The following OTC variants were observed in gnomAD, a reference collection of about 807,000 sequenced individuals.
OTC encodes the protein ornithine transcarbamylase, mitochondrial.
OTC carries 3 observed loss-of-function variants against 30.3 expected under a neutral mutation model. That is an observed-to-expected ratio of 0.10 (90% CI 0.05 to 0.26). OTC has a LOEUF of 0.26. Ranked by LOEUF, OTC falls within the 10% of genes least tolerant of loss-of-function variation. The probability of loss-of-function intolerance (pLI) is 1.00; values close to 1 mark genes in which losing one functional copy is unlikely to be tolerated. For synonymous variants in OTC, 111 were observed against 99.7 expected (o/e 1.11, Z -0.67); for missense variants, 194 against 260.3 (o/e 0.75, Z 1.75).
At chrX:38,370,662 G>C (rs1419767404) in intron 3 of OTC, among the ~76,000 whole-genome samples, 1 of 111,363 alleles carries the variant, frequency 9.0e-6, no homozygotes, top group Non-Finnish European at 1.9e-5. Context: ...CTCCTGTTCC[G>C]AGGTGGAAAC....
At chrX:38,364,121 A>G (rs2068284144) in intron 1 of OTC, among the ~76,000 whole-genome samples, 2 of 111,780 alleles carry the variant, frequency 1.8e-5, no homozygotes, top group Non-Finnish European at 3.8e-5. Flanking sequence ...GTGAAACTCC[A>G]TCTGAAAAAA....
At chrX:38,389,899 G>A (rs1028773176) in intron 4 of OTC, among the ~76,000 whole-genome samples, 3 of 111,454 alleles carry the variant, frequency 2.7e-5, no homozygotes, top group African/African-American at 6.5e-5. Flanking sequence ...AAGGACACAC[G>A]CACAGAAGAA....
At chrX:38,374,303 C>T (rs762605048) in intron 3 of OTC, among the ~76,000 whole-genome samples, 119 of 110,217 alleles carry the variant, frequency 1.1e-3, no homozygotes, top group African/African-American at 3.9e-3. Flanking sequence ...AGAGTGGAAG[C>T]CCATCTCTCT....
intron 1 of OTC, among the ~76,000 whole-genome samples, chrX:38,359,781 C>T (rs1460627338): frequency 9.0e-6 from 1 of 111,340 alleles, no homozygotes; most frequent in African/African-American, 3.3e-5. Flanking sequence ...AATCAAAGTG[C>T]ACTGTTTTCT....
At chrX:38,350,586 G>T (rs1284732039), upstream of OTC, among the ~76,000 whole-genome samples, 3 of 111,724 alleles carry the variant, frequency 2.7e-5, no homozygotes, top group Non-Finnish European at 5.6e-5. Context: ...TCATTGAGAT[G>T]CCCTGCCTTT....
At chrX:38,378,821 T>G (rs1055011646) in intron 3 of OTC, among the ~76,000 whole-genome samples, 1 of 111,791 alleles carries the variant, frequency 8.9e-6, no homozygotes, top group African/African-American at 3.3e-5. Flanking sequence ...TCATGTGGCT[T>G]TCTGGGGATA....
chrX:38,365,679 G>A lies in OTC; in HGVS notation c.78-1612G>A, dbSNP rs180724424. 5.5e-3 allele frequency among the ~76,000 whole-genome samples: 613 copies of A among 112,152 alleles called. 6 individuals are homozygous for A. Among genetic ancestry groups the A allele is most frequent in the Middle Eastern group, 0.019 (4 of 215 alleles). ...AAGCCCAACAAAATGGCTCCACTAG[G>A]GCCCACAGTAAACTGATGTCAGGAT... On this transcript the variant is annotated intron_variant, in intron 1 of 9. Transcript: ENST00000039007.
At chrX:38,417,309 G>T (rs978050383) in intron 9 of OTC, among the ~76,000 whole-genome samples, 1 of 111,569 alleles carries the variant, frequency 9.0e-6, no homozygotes, top group Admixed American at 9.6e-5. Context: ...TAAAATTCTG[G>T]CTCTCTCTGT....
At chrX:38,402,905 C>T (rs7877219) in intron 5 of OTC, among the ~76,000 whole-genome samples, 50,867 of 109,682 alleles carry the variant, frequency 0.46, 9,625 homozygotes, top group African/African-American at 0.7. Context: ...ACCTCCGCCT[C>T]CCGGGTTCAA....
intron 8 of OTC, among the ~76,000 whole-genome samples, 182 bp from the exon 9 acceptor site, chrX:38,411,680 A>T (rs1450998753): frequency 9.1e-6 from 1 of 110,454 alleles, no homozygotes; most frequent in Non-Finnish European, 1.9e-5. Flanking sequence ...AAAAAAAAAA[A>T]TTTGAAAGTA....
At position 38,405,983 on chromosome X, in the gene OTC, T is replaced by C. The variant is rs147271151; in HGVS notation, c.663+2243T>C. Among the ~76,000 whole-genome samples, 60 of 112,630 alleles carry C rather than the reference T, an allele frequency of 5.3e-4. No homozygotes were observed. In the East Asian group the frequency reaches 0.016, roughly 31 times the overall value. ...GAAGAAATATATGGTTTAAACATTT[T>C]ATTGCATGCCAAAGATGTTTTATTA... On this transcript the variant is annotated intron_variant, in intron 6 of 9. Coordinates refer to ENST00000039007, the MANE Select transcript of OTC (RefSeq NM_000531.6).
chrX:38,403,546 T>G, intron 5 of OTC, 72 bp from the exon 6 acceptor site: 1 of 1,101,663 alleles, frequency 9.1e-7, no homozygotes. Context: ...ACTATTTATT[T>G]TAACCTTAGT....
At chrX:38,344,082 G>A in the OTC span, among the ~76,000 whole-genome samples, 1 of 111,481 alleles carries the variant, frequency 9.0e-6, no homozygotes. Flanking sequence ...GGAGGCAGAG[G>A]TTGCCATGAG....
chrX:38,333,678 G>A, the OTC span, among the ~76,000 whole-genome samples: 556 of 111,775 alleles, frequency 5.0e-3, no homozygotes, highest in Non-Finnish European at 7.0e-3. Flanking sequence ...CAAGGAAGAC[G>A]TTTGATGGAT....
intron 9 of OTC, among the ~76,000 whole-genome samples, chrX:38,414,628 C>G (rs1399458743): frequency 1.8e-5 from 2 of 111,712 alleles, no homozygotes; most frequent in Non-Finnish European, 3.8e-5. Flanking sequence ...TGTCCTCTCC[C>G]ATGAAATAAG....
chrX:38,410,730 C>T (rs4827099), intron 8 of OTC, among the ~76,000 whole-genome samples: 1,438 of 111,752 alleles, frequency 0.013, 33 homozygotes, highest in Admixed American at 0.068. Flanking sequence ...ACTTGCTTGG[C>T]CAATCTTATA....
the OTC span, among the ~76,000 whole-genome samples, chrX:38,337,128 CACAT>C: frequency 4.5e-5 from 5 of 111,823 alleles, no homozygotes; most frequent in African/African-American, 1.3e-4. Flanking sequence ...GTCAAAAAAA[CACAT>C]ACAGGCCCAC....
intron 6 of OTC, among the ~76,000 whole-genome samples, chrX:38,407,466 T>A (rs1389483216): frequency 8.9e-6 from 1 of 111,861 alleles, no homozygotes; most frequent in Non-Finnish European, 1.9e-5. Context: ...AATCAACTCA[T>A]AATCAATGCT....
intron 9 of OTC, among the ~76,000 whole-genome samples, chrX:38,416,750 A>G (rs2068572566): frequency 8.9e-6 from 1 of 112,486 alleles, no homozygotes. Context: ...ATTCTTATTT[A>G]ACTGTTTGTC....
Sources: allele counts gnomAD v4.1 joint callset (sites outside exome capture counted in the v4.1 genomes callset), GRCh38; gene constraint gnomAD v4.1.1; transcripts MANE v1.5; gene names NCBI Gene and HGNC (gene_info 2026-07-23, HGNC 2026-07-21).